GATAD2A: variants seen among roughly 807,000 people sequenced by gnomAD.
GATAD2A encodes GATA zinc finger domain containing 2A.
A neutral mutation model predicts 68.5 loss-of-function variants in GATAD2A; 12 were observed. That is an observed-to-expected ratio of 0.18 (90% confidence interval 0.11 to 0.28). GATAD2A has a LOEUF of 0.28. Ranked by LOEUF, GATAD2A falls within the 10% of genes least tolerant of loss-of-function variation. GATAD2A has a pLI of 1.00. For synonymous variants in GATAD2A, 410 were observed against 375.3 expected (o/e 1.09, Z -1.07); for missense variants, 755 against 868.5 (o/e 0.87, Z 1.64).
At chr19:19,502,134 TG>T (rs2060572063) in intron 10 of GATAD2A, 91 bp downstream of exon 10, 1 of 991,634 alleles carries the variant, frequency 1.0e-6, no homozygotes, top group Non-Finnish European at 1.6e-6. Flanking sequence ...CTCTTCTGTC[TG>T]TCTCTCCCTG....
intron 5 of GATAD2A, among the ~76,000 whole-genome samples, 195 bp from the exon 6 acceptor site, chr19:19,495,559 G>A (rs990650402): frequency 4.7e-5 from 7 of 148,868 alleles, no homozygotes; most frequent in African/African-American, 1.8e-4. Flanking sequence ...TGCCTACCTC[G>A]GCCTCACAAA....
intron 1 of GATAD2A, among the ~76,000 whole-genome samples, chr19:19,432,038 C>T (rs564712619): frequency 3.5e-4 from 54 of 152,238 alleles, no homozygotes; most frequent in African/African-American, 1.3e-3. Context: ...CGCAATGGTG[C>T]GATCTCAGCT....
chr19:19,502,355 T>C lies in GATAD2A; in HGVS notation c.1603T>C (p.Ser535Pro). 2 of 1,612,536 alleles carry C rather than the reference T, an allele frequency of 1.2e-6. No homozygotes were observed. Among genetic ancestry groups the C allele is most frequent in the Non-Finnish European group, 1.7e-6 (2 of 1,179,382 alleles). ...LQASSQLSRG[S>P]ATTPRGVLHT... ...GGCCTCCAGCCAGCTGTCCCGGGGT[T>C]CGGCCACGACGCCCCGAGGTGTCCT... Residue 535 changes from serine to proline, a missense_variant, in exon 11 of 12, where the codon TCG becomes CCG. Coordinates refer to ENST00000683918, the MANE Select transcript of GATAD2A (RefSeq NM_001384528.1).
chr19:19,467,368 CTG>C (rs2057954153), intron 2 of GATAD2A, among the ~76,000 whole-genome samples: 1 of 149,790 alleles, frequency 6.7e-6, no homozygotes, highest in African/African-American at 2.6e-5. Context: ...GAGTGAGACT[CTG>C]TCTCAAAAAA....
intron 1 of GATAD2A, among the ~76,000 whole-genome samples, chr19:19,448,823 G>A (rs2056050311): frequency 6.6e-6 from 1 of 152,088 alleles, no homozygotes; most frequent in Non-Finnish European, 1.5e-5. Flanking sequence ...CTCATAATAA[G>A]CCTGTGATCA....
chr19:19,456,146 T>C (rs1396483358), intron 1 of GATAD2A, among the ~76,000 whole-genome samples: 2 of 117,022 alleles, frequency 1.7e-5, no homozygotes, highest in Non-Finnish European at 3.3e-5. Context: ...ACAGCGAGAC[T>C]CCATCTCAAA....
chr19:19,438,720 C>A (rs2054646682), intron 1 of GATAD2A, among the ~76,000 whole-genome samples: 1 of 152,198 alleles, frequency 6.6e-6, no homozygotes, highest in Admixed American at 6.5e-5. Context: ...AAGGGAATTT[C>A]CAGAGGCCAC....
intron 2 of GATAD2A, chr19:19,474,244 C>T (rs952317521): frequency 1.3e-6 from 1 of 756,108 alleles, no homozygotes; most frequent in Non-Finnish European, 1.6e-6. Context: ...GAATTGCCCC[C>T]AACCCCGACA....
At chr19:19,502,267 T>C (rs890831816) in intron 10 of GATAD2A, 64 bp from the exon 11 acceptor site, 3 of 1,292,978 alleles carry the variant, frequency 2.3e-6, no homozygotes, top group Admixed American at 1.9e-5. Context: ...GAGGCTGCGC[T>C]GAGTGTCTCG....
rs528039199 is a variant in GATAD2A at position 19,410,021 on chromosome 19, A to G, written c.-7+4002A>G. Among the ~76,000 whole-genome samples the G allele has an allele frequency of 5.9e-5, 9 of 152,282 alleles. No individual in the cohort carries two copies. In the South Asian group the frequency reaches 1.7e-3, roughly 28 times the overall value. On this transcript the variant is annotated intron_variant, in intron 1 of 11. Coordinates refer to ENST00000683918, the MANE Select transcript of GATAD2A (RefSeq NM_001384528.1). The stretch of plus-strand genomic sequence containing the variant: ...CCACGAAACCCTCTAGGTGTGGGAG[A>G]GAGGGGCCCTCAGTGAGAATGTCAC...
rs934981771 is a variant in GATAD2A at position 19,506,433 on chromosome 19, C to T, written c.*959C>T. 68 of 276,496 alleles carry T rather than the reference C, an allele frequency of 2.5e-4. No individual in the cohort carries two copies. Among genetic ancestry groups the T allele is most frequent in the African/African-American group, 1.4e-3 (64 of 45,942 alleles). The allele number at this position is 276,496 out of a possible 1,614,324, so 17.1% of individuals were successfully genotyped here. A position where few individuals can be genotyped will look rare whatever the true frequency, so the allele number is the denominator to read the frequency against. ...CCTTTTTTCTATTCATTTCGATGGA[C>T]GCAATCTTAAGCCACCCTGGCCTTG... On this transcript the variant is annotated 3_prime_UTR_variant, in exon 12 of 12. Coordinates refer to ENST00000683918, the MANE Select transcript of GATAD2A (RefSeq NM_001384528.1).
intron 7 of GATAD2A, among the ~76,000 whole-genome samples, chr19:19,496,980 A>G (rs573515708): frequency 3.0e-4 from 45 of 152,332 alleles, no homozygotes; most frequent in Admixed American, 1.0e-3. Context: ...GAGTGCAGAG[A>G]AGATGGCTAG....
chr19:19,502,543 G>A lies in GATAD2A; in HGVS notation c.1774+17G>A, dbSNP rs1915182063. 4.4e-6 allele frequency: 7 copies of A among 1,579,098 alleles called. No homozygotes were observed. In the Admixed American group the frequency reaches 1.2e-4, roughly 28 times the overall value. ...TCAGCACAGGTGGGTGACCTCCACA[G>A]GGCTCCCCAGGGGACCTGCCCATTG... On this transcript the variant is annotated intron_variant, in intron 11 of 11. Transcript: ENST00000683918.
chr19:19,409,620 G>A (rs1488001560), intron 1 of GATAD2A, among the ~76,000 whole-genome samples: 1 of 152,158 alleles, frequency 6.6e-6, no homozygotes, highest in Admixed American at 6.5e-5. Context: ...CTGTGCAAAG[G>A]TATGTCTTTG....
intron 1 of GATAD2A, among the ~76,000 whole-genome samples, chr19:19,438,783 C>CTATA (rs1432216252): frequency 6.6e-6 from 1 of 152,204 alleles, no homozygotes; most frequent in Non-Finnish European, 1.5e-5. Flanking sequence ...AAAGGACAGT[C>CTATA]TATAAACAGT....
chr19:19,501,155 G>C lies in GATAD2A; in HGVS notation c.1242G>C (p.Glu414Asp). The change falls in exon 9 of 12, where the codon GAG becomes GAC. Residue 414 changes from glutamate (E) to aspartate (D), a missense_variant. Physicochemically the swap from Glu to Asp is conservative, Grantham distance 45. Coordinates refer to ENST00000683918, the MANE Select transcript of GATAD2A (RefSeq NM_001384528.1). ...CGGCCGCCACTGTGCTGTCCCGGGA[G>C]CCCTACATGTGTGCACAGTGCAAGA... ...RMSAATVLSR[E>D]PYMCAQCKTD... 3 of 1,613,312 alleles carry C rather than the reference G, an allele frequency of 1.9e-6. No homozygotes were observed. The highest frequency in any genetic ancestry group is 1.7e-5 in the Admixed American group (1 of 60,024).
chr19:19,474,271 G>GCTCT (rs1203451493), intron 2 of GATAD2A: 1 of 526,870 alleles, frequency 1.9e-6, no homozygotes, highest in Non-Finnish European at 2.4e-6. Flanking sequence ...TGAGCATGGG[G>GCTCT]CTCTCCTGGT....
At chr19:19,473,924 C>T (rs965632762) in intron 2 of GATAD2A, 20 of 430,268 alleles carry the variant, frequency 4.6e-5, no homozygotes, top group African/African-American at 1.1e-4. Context: ...CCAGCCTGGG[C>T]GACAGAGCGA....
chr19:19,401,601 T>A (rs1445459531), upstream of GATAD2A, among the ~76,000 whole-genome samples: 1 of 152,112 alleles, frequency 6.6e-6, no homozygotes, highest in Admixed American at 6.6e-5. Context: ...TTCGGGAGTA[T>A]GTGCCTGTAG....
Sources: gnomAD v4.1 joint callset for allele counts (sites outside exome capture counted in the v4.1 genomes callset) on GRCh38, gnomAD v4.1.1 for gene constraint, MANE v1.5 for transcripts, NCBI Gene and HGNC (gene_info 2026-07-23, HGNC 2026-07-21) for gene names.